The following BMPR2 variants were observed in gnomAD, a reference collection of about 807,000 sequenced individuals.
BMPR2 encodes the protein bone morphogenetic protein receptor type 2.
A neutral mutation model predicts 100.8 loss-of-function variants in BMPR2; 29 were observed. The observed-to-expected ratio is 0.29, with a 90% CI of 0.21 to 0.39. The LOEUF is 0.39. Among genes scored for constraint, BMPR2 ranks in the 10% least tolerant of loss-of-function variants. The probability of loss-of-function intolerance (pLI) is 1.00; values close to 1 mark genes in which losing one functional copy is unlikely to be tolerated. For missense variants in BMPR2, 1,011 were observed against 1,274.5 expected (o/e 0.79, Z 3.15); for synonymous variants, 382 against 442.3 (o/e 0.86, Z 1.71).
intron 1 of BMPR2, among the ~76,000 whole-genome samples, chr2:202,381,046 C>T (rs902448723): frequency 1.4e-5 from 2 of 144,660 alleles, no homozygotes; most frequent in African/African-American, 5.2e-5. Flanking sequence ...GCCATCTCAG[C>T]TCACTGCAAC....
intron 12 of BMPR2, 113 bp from the exon 13 acceptor site, chr2:202,559,583 T>G: frequency 8.6e-7 from 1 of 1,167,038 alleles, no homozygotes; most frequent in Non-Finnish European, 1.2e-6. Flanking sequence ...TTTCAAGAAA[T>G]GTTCATTAGC....
At chr2:202,538,270 A>C (rs1688201626) in intron 9 of BMPR2, among the ~76,000 whole-genome samples, 1 of 151,050 alleles carries the variant, frequency 6.6e-6, no homozygotes, top group South Asian at 2.1e-4. Context: ...CCGGGCCAAC[A>C]TGGTGAAAGC....
intron 1 of BMPR2, among the ~76,000 whole-genome samples, chr2:202,430,079 G>A (rs1436262452): frequency 2.6e-5 from 4 of 152,182 alleles, no homozygotes; most frequent in Non-Finnish European, 5.9e-5. Context: ...CAGCAGTCAG[G>A]TTCTGGTGAG....
Position 202,524,879 on chromosome 2 carries a change from C to CAA in BMPR2, c.967+4689_967+4690dup. Among the ~76,000 whole-genome samples, 2 of 143,666 alleles carry CAA rather than the reference C, an allele frequency of 1.4e-5. 1 individual carries two copies. 94.3% of individuals were successfully genotyped at this position (143,666 alleles called of 152,430 possible). A position where few individuals can be genotyped will look rare whatever the true frequency, so the allele number is the denominator to read the frequency against. On this transcript the variant is annotated intron_variant, in intron 7 of 12. Coordinates refer to ENST00000374580, the MANE Select transcript of BMPR2 (RefSeq NM_001204.7). ...GAAACCCCATCTCTACTAAAAATATCAAAAAAAAAAAATTAGCCAGGCATG... is the reference window on the plus strand; with the variant it reads ...GAAACCCCATCTCTACTAAAAATATCAAAAAAAAAAAAAATTAGCCAGGCATG...
chr2:202,425,912 A>G (rs1691374189), intron 1 of BMPR2, among the ~76,000 whole-genome samples: 1 of 152,206 alleles, frequency 6.6e-6, no homozygotes, highest in Non-Finnish European at 1.5e-5. Context: ...CAGATTGAGT[A>G]AGATATTTGT....
intron 1 of BMPR2, among the ~76,000 whole-genome samples, chr2:202,449,307 TCAAA>T (rs1297187870): frequency 8.4e-6 from 1 of 118,722 alleles, no homozygotes; most frequent in African/African-American, 3.1e-5. Flanking sequence ...AAACTCCATC[TCAAA>T]TAAATAAATA....
rs776284920 is a variant in BMPR2, at chr2:202,556,324, C to G, written c.2659C>G (p.Leu887Val). 2.5e-6 allele frequency: 4 copies of G among 1,614,202 alleles called. No homozygotes were observed. Among genetic ancestry groups the G allele is most frequent in the Non-Finnish European group, 1.7e-6 (2 of 1,180,036 alleles). Reference protein sequence around the residue: ...AGHDEGVLDRLVDRRERPLEG... With the variant: ...AGHDEGVLDRVVDRRERPLEG... ...CCATGATGAAGGTGTTCTGGATCGT[C>G]TTGTGGACAGGAGGGAACGGCCACT... The change falls in exon 12 of 13, where the codon CTT becomes GTT. Residue 887 changes from leucine (L) to valine (V), a missense_variant. By Grantham distance (32) the Leu-to-Val change is conservative (BLOSUM62 1). This residue lies in a region of BMPR2 where 508 missense variants were observed against 552.0 expected (regional missense o/e 0.92). Transcript: ENST00000374580.
chr2:202,537,742 C>T (rs762433360), intron 9 of BMPR2, among the ~76,000 whole-genome samples: 4 of 152,026 alleles, frequency 2.6e-5, no homozygotes, highest in Non-Finnish European at 4.4e-5. Context: ...TAAAATACCC[C>T]GTAATCTTGG....
intron 2 of BMPR2, among the ~76,000 whole-genome samples, chr2:202,466,347 TG>T (rs1692320582): frequency 6.6e-6 from 1 of 152,018 alleles, no homozygotes; most frequent in South Asian, 2.1e-4. Flanking sequence ...AGTGCAATGG[TG>T]GGATCTCGGC....
intron 3 of BMPR2, among the ~76,000 whole-genome samples, chr2:202,486,624 C>CAAAAAAAAAAAAAAAAACA (rs200186562): frequency 8.8e-6 from 1 of 113,544 alleles, no homozygotes; most frequent in African/African-American, 3.4e-5. Flanking sequence ...AGACTGTCTC[C>CAAAAAAAAAAAAAAAAACA]AAAAAAAAAA....
chr2:202,458,565 T>A (rs1236111421), intron 1 of BMPR2, among the ~76,000 whole-genome samples: 1 of 152,196 alleles, frequency 6.6e-6, no homozygotes, highest in Non-Finnish European at 1.5e-5. Flanking sequence ...CTGTATTCTG[T>A]CAAATTGTCC....
chr2:202,453,454 A>G (rs1242815938), intron 1 of BMPR2, among the ~76,000 whole-genome samples: 1 of 152,180 alleles, frequency 6.6e-6, no homozygotes, highest in Non-Finnish European at 1.5e-5. Context: ...TGTGGTACAT[A>G]TACACAATGG....
Position 202,383,891 on chromosome 2 carries a change from G to A in BMPR2, c.76+6341G>A, listed in dbSNP as rs1208284888. ...ACTATTTTCAAAAGCACTAATATTG[G>A]CTGGGCCTGGTGGCTCATACCTGTA... On this transcript the variant is annotated intron_variant, in intron 1 of 12. Coordinates refer to ENST00000374580, the MANE Select transcript of BMPR2 (RefSeq NM_001204.7). Among the ~76,000 whole-genome samples the A allele has an allele frequency of 4.6e-5, 7 of 151,828 alleles. No individual in the cohort carries two copies. In the East Asian group the frequency reaches 1.4e-3, roughly 30 times the overall value.
At chr2:202,518,103 G>A (rs567331607) in intron 5 of BMPR2, among the ~76,000 whole-genome samples, 1 of 144,102 alleles carries the variant, frequency 6.9e-6, no homozygotes, top group African/African-American at 2.6e-5. Context: ...TGGGATTACA[G>A]GCGTGAGCCA....
At chr2:202,500,700 G>A (rs1436559884) in intron 3 of BMPR2, among the ~76,000 whole-genome samples, 1 of 152,168 alleles carries the variant, frequency 6.6e-6, no homozygotes, top group Non-Finnish European at 1.5e-5. Flanking sequence ...AAACCAAACG[G>A]TCAGTGGAGT....
At chr2:202,506,623 G>C (rs747482339) in intron 3 of BMPR2, among the ~76,000 whole-genome samples, 1 of 152,036 alleles carries the variant, frequency 6.6e-6, no homozygotes, top group Non-Finnish European at 1.5e-5. Flanking sequence ...TCCATAGGCC[G>C]GGTGCGGTGG....
chr2:202,450,245 G>A (rs1691949063), intron 1 of BMPR2, among the ~76,000 whole-genome samples: 7 of 152,196 alleles, frequency 4.6e-5, no homozygotes. Context: ...GGTACCTTAT[G>A]AAGATTTTGA....
At chr2:202,445,358 C>CT (rs1326002641) in intron 1 of BMPR2, among the ~76,000 whole-genome samples, 1 of 149,900 alleles carries the variant, frequency 6.7e-6, no homozygotes, top group Non-Finnish European at 1.5e-5. Context: ...TCCCAAGTAC[C>CT]TGAGACTACA....
intron 3 of BMPR2, among the ~76,000 whole-genome samples, chr2:202,493,285 A>G (rs550875814): frequency 2.0e-5 from 3 of 152,272 alleles, no homozygotes; most frequent in Admixed American, 6.5e-5. Context: ...GGTGTTTTCT[A>G]AGAATCATTA....
Sources: gnomAD v4.1 joint callset for allele counts (sites outside exome capture counted in the v4.1 genomes callset) on GRCh38, gnomAD v4.1.1 for gene constraint, gnomAD v4.1.1 regional missense constraint, MANE v1.5 for transcripts, NCBI Gene and HGNC (gene_info 2026-07-23, HGNC 2026-07-21) for gene names.